LRBA: variants seen among roughly 807,000 people sequenced by gnomAD.
LRBA encodes the protein lipopolysaccharide-responsive and beige-like anchor protein.
Under a neutral mutation model 330.0 loss-of-function variants are expected in LRBA, and 176 were observed. The observed-to-expected ratio is 0.53, with a 90% CI of 0.47 to 0.60. The LOEUF (loss-of-function observed/expected upper bound fraction) is 0.60, where lower values mean the gene tolerates loss of function less well. Among genes scored for constraint, LRBA ranks in the 20% least tolerant of loss-of-function variants. The pLI, the probability that LRBA is intolerant of heterozygous loss-of-function variation, is 0.00. For synonymous variants in LRBA, 1,230 were observed against 1,193.0 expected, an observed-to-expected ratio of 1.03 and a Z score of -0.64; for missense variants, 3,259 against 3,444.8, an observed-to-expected ratio of 0.95 and a Z score of 1.35.
chr4:150,696,825 T>C (rs1364132526), intron 36 of LRBA, among the ~76,000 whole-genome samples: 1 of 141,030 alleles, frequency 7.1e-6, no homozygotes, highest in Non-Finnish European at 1.6e-5. Context: ...CCTGTAGAGA[T>C]GGCAAAGTCC....
At chr4:150,490,030 C>G (rs1009496199) in intron 41 of LRBA, among the ~76,000 whole-genome samples, 2 of 151,222 alleles carry the variant, frequency 1.3e-5, no homozygotes, top group South Asian at 2.1e-4. Flanking sequence ...AGCAAGGATG[C>G]GGACTGAAAT....
intron 40 of LRBA, among the ~76,000 whole-genome samples, chr4:150,559,351 A>G (rs1306722248): frequency 1.3e-5 from 2 of 151,142 alleles, no homozygotes; most frequent in Admixed American, 1.3e-4. Context: ...TCATGAGGTC[A>G]AGAGATTGAG....
At chr4:150,419,641 T>C (rs1159080730) in intron 46 of LRBA, among the ~76,000 whole-genome samples, 1 of 145,848 alleles carries the variant, frequency 6.9e-6, no homozygotes, top group Non-Finnish European at 1.5e-5. Context: ...ATCTTTTTTT[T>C]TTTTTTTTTT....
At chr4:150,990,168 A>G (rs1483102343) in intron 2 of LRBA, among the ~76,000 whole-genome samples, 1 of 152,222 alleles carries the variant, frequency 6.6e-6, no homozygotes, top group African/African-American at 2.4e-5. Context: ...ATCCCATTTC[A>G]GCCATGATGT....
At chr4:150,998,630 T>C (rs1050669089) in intron 2 of LRBA, among the ~76,000 whole-genome samples, 150 of 152,228 alleles carry the variant, frequency 9.9e-4, no homozygotes, top group East Asian at 2.1e-3. Context: ...GTCGGGACTA[T>C]AGGCATGAGC....
At chr4:150,697,037 A>G (rs1337563378) in intron 36 of LRBA, among the ~76,000 whole-genome samples, 2 of 150,780 alleles carry the variant, frequency 1.3e-5, no homozygotes, top group Non-Finnish European at 3.0e-5. Flanking sequence ...AAAAAAGAAA[A>G]AAAAAAAGGC....
intron 44 of LRBA, among the ~76,000 whole-genome samples, chr4:150,454,937 T>C (rs919975026): frequency 1.4e-5 from 2 of 140,824 alleles, no homozygotes; most frequent in South Asian, 4.5e-4. Flanking sequence ...TCAGTGTTTT[T>C]TATTTTTTTT....
chr4:150,700,565 T>G (rs948424055), intron 36 of LRBA, among the ~76,000 whole-genome samples: 3 of 152,206 alleles, frequency 2.0e-5, no homozygotes, highest in Admixed American at 6.5e-5. Context: ...CCCTGCACAG[T>G]TAGGCTATGC....
intron 47 of LRBA, among the ~76,000 whole-genome samples, chr4:150,352,104 GA>G (rs1325616712): frequency 2.0e-5 from 3 of 152,128 alleles, no homozygotes; most frequent in Admixed American, 1.3e-4. Flanking sequence ...GTATCTCATT[GA>G]AATTGATTTT....
At chr4:150,427,372 T>C (rs968555367) in intron 46 of LRBA, among the ~76,000 whole-genome samples, 4 of 152,060 alleles carry the variant, frequency 2.6e-5, no homozygotes, top group Admixed American at 6.6e-5. Context: ...TAGTTCATTG[T>C]AGACACGAGT....
At chr4:150,511,412 T>A (rs148194377) in intron 40 of LRBA, among the ~76,000 whole-genome samples, 1 of 152,214 alleles carries the variant, frequency 6.6e-6, no homozygotes, top group Admixed American at 6.5e-5. Context: ...GAGGTTCTTA[T>A]CATCTTTTAC....
intron 38 of LRBA, among the ~76,000 whole-genome samples, chr4:150,596,331 A>T (rs1299134196): frequency 3.3e-5 from 5 of 151,928 alleles, no homozygotes; most frequent in Non-Finnish European, 5.9e-5. Context: ...CTTTCCTTCA[A>T]ATCAAATCAA....
At chr4:150,905,721 C>T in intron 13 of LRBA, 117 bp downstream of exon 13, 1 of 840,342 alleles carries the variant, frequency 1.2e-6, no homozygotes. Context: ...AAAAGCAATC[C>T]ACTGAAGTCT....
intron 52 of LRBA, among the ~76,000 whole-genome samples, chr4:150,306,383 AAACTT>A (rs745458922): frequency 1.3e-5 from 2 of 152,064 alleles, no homozygotes; most frequent in Non-Finnish European, 2.9e-5. Flanking sequence ...ATTCTGTGCT[AAACTT>A]AAGAAAAAAT....
intron 33 of LRBA, among the ~76,000 whole-genome samples, chr4:150,805,032 C>T (rs1352813210): frequency 6.6e-6 from 1 of 152,056 alleles, no homozygotes; most frequent in African/African-American, 2.4e-5. Flanking sequence ...CTCTTCAACT[C>T]ATTATTTAAG....
At chr4:150,805,446 G>GGAAAGGAAAGGAAA (rs1742538646) in intron 33 of LRBA, among the ~76,000 whole-genome samples, 3 of 39,740 alleles carry the variant, frequency 7.5e-5, no homozygotes, top group African/African-American at 1.8e-4. Context: ...AGGAAGGAAA[G>GGAAAGGAAAGGAAA]GGAAAGGAAA....
chr4:150,869,601 A>T (rs1244826824), intron 20 of LRBA, among the ~76,000 whole-genome samples: 1 of 152,160 alleles, frequency 6.6e-6, no homozygotes, highest in Non-Finnish European at 1.5e-5. Flanking sequence ...AGGCAGGAGA[A>T]TCACTTGAAC....
At chr4:150,447,480 TG>T (rs1475307693) in intron 44 of LRBA, among the ~76,000 whole-genome samples, 4 of 152,206 alleles carry the variant, frequency 2.6e-5, no homozygotes, top group African/African-American at 7.2e-5. Flanking sequence ...GTTGTCAGTC[TG>T]GGATTTACAC....
chr4:150,898,530 A>G (rs1730361365), intron 14 of LRBA, among the ~76,000 whole-genome samples: 2 of 152,174 alleles, frequency 1.3e-5, no homozygotes, highest in African/African-American at 2.4e-5. Context: ...TCCACCACTA[A>G]TCACTATTTA....
Sources: allele counts gnomAD v4.1 joint callset (sites outside exome capture counted in the v4.1 genomes callset), GRCh38; gene constraint gnomAD v4.1.1; transcripts MANE v1.5; gene names NCBI Gene and HGNC (gene_info 2026-07-23, HGNC 2026-07-21).